PDE10A: variants seen among roughly 807,000 people sequenced by gnomAD.
PDE10A encodes the protein phosphodiesterase 10A.
A neutral mutation model predicts 97.7 loss-of-function variants in PDE10A; 39 were observed. The ratio of observed to expected loss-of-function variants is 0.40; its 90% CI spans 0.31 to 0.52. The LOEUF is 0.52. Ranked by LOEUF, PDE10A falls within the 20% of genes least tolerant of loss-of-function variation. The pLI is 0.56. For synonymous variants in PDE10A, 371 were observed against 376.8 expected, an observed-to-expected ratio of 0.98 and a Z score of 0.18; for missense variants, 731 against 1,047.8, an observed-to-expected ratio of 0.70 and a Z score of 4.17.
intron 1 of PDE10A, among the ~76,000 whole-genome samples, chr6:165,935,495 C>T (rs1046633756): frequency 6.6e-6 from 1 of 152,078 alleles, no homozygotes; most frequent in Non-Finnish European, 1.5e-5. Context: ...AGAGGAGGAT[C>T]GATTTCTAAG....
At chr6:165,463,578 G>A (rs1054878455) in intron 3 of PDE10A, among the ~76,000 whole-genome samples, 5 of 152,204 alleles carry the variant, frequency 3.3e-5, no homozygotes, top group African/African-American at 9.6e-5. Flanking sequence ...GTCTGCAGAT[G>A]TGGATCCTGA....
At chr6:165,607,334 A>G (rs11752590) in intron 1 of PDE10A, among the ~76,000 whole-genome samples, 14,943 of 152,318 alleles carry the variant, frequency 0.098, 926 homozygotes, top group Non-Finnish European at 0.13. Flanking sequence ...ATTATAACGA[A>G]GCTTAAAAAT....
chr6:165,946,697 C>T (rs1672823336), intron 1 of PDE10A: 1 of 151,992 alleles, frequency 6.6e-6, no homozygotes, highest in African/African-American at 2.4e-5. Flanking sequence ...ATACATAAAA[C>T]TACCTGGCTA....
At chr6:165,693,400 G>T (rs1246769686) in intron 1 of PDE10A, among the ~76,000 whole-genome samples, 1 of 151,768 alleles carries the variant, frequency 6.6e-6, no homozygotes, top group Non-Finnish European at 1.5e-5. Context: ...GCGTGGTGGT[G>T]GATGCCTGTA....
At chr6:165,769,596 C>T (rs1265343965) in intron 1 of PDE10A, among the ~76,000 whole-genome samples, 1 of 152,072 alleles carries the variant, frequency 6.6e-6, no homozygotes, top group Non-Finnish European at 1.5e-5. Context: ...TAAAATTCAA[C>T]AAAAGTTTAA....
chr6:165,454,458 C>T (rs1371576793), intron 3 of PDE10A, among the ~76,000 whole-genome samples: 1 of 152,102 alleles, frequency 6.6e-6, no homozygotes, highest in Non-Finnish European at 1.5e-5. Context: ...AGAGGTGGGA[C>T]CTTAAGAGAT....
intron 1 of PDE10A, among the ~76,000 whole-genome samples, chr6:165,742,472 A>C (rs897532432): frequency 1.3e-5 from 2 of 152,162 alleles, no homozygotes; most frequent in African/African-American, 4.8e-5. Context: ...AGTCCCACCC[A>C]GGACATCTGA....
chr6:165,748,234 C>A (rs1792888071), intron 1 of PDE10A, among the ~76,000 whole-genome samples: 1 of 152,176 alleles, frequency 6.6e-6, no homozygotes, highest in African/African-American at 2.4e-5. Context: ...CATGTCAATT[C>A]CTTTTTGATT....
chr6:165,574,209 A>G (rs1447711237), intron 1 of PDE10A, among the ~76,000 whole-genome samples: 2 of 152,194 alleles, frequency 1.3e-5, no homozygotes, highest in African/African-American at 2.4e-5. Context: ...CTACTTATGC[A>G]AATAAATGTC....
At chr6:165,878,496 A>G (rs911444358) in intron 1 of PDE10A, among the ~76,000 whole-genome samples, 9 of 152,206 alleles carry the variant, frequency 5.9e-5, no homozygotes, top group African/African-American at 2.2e-4. Flanking sequence ...TGTTCCTAAA[A>G]TATTGTAGAA....
At chr6:165,546,117 G>C (rs1242194127) in intron 1 of PDE10A, among the ~76,000 whole-genome samples, 5 of 152,002 alleles carry the variant, frequency 3.3e-5, no homozygotes, top group Admixed American at 2.6e-4. Flanking sequence ...AAGTAACATG[G>C]ATGAGTCTTA....
At chr6:165,393,382 T>C (rs888992452) in intron 15 of PDE10A, among the ~76,000 whole-genome samples, 21 of 151,490 alleles carry the variant, frequency 1.4e-4, no homozygotes, top group Non-Finnish European at 7.4e-5. Context: ...TTATTACATA[T>C]AGTTATACTA....
intron 1 of PDE10A, among the ~76,000 whole-genome samples, chr6:165,884,611 G>A (rs1781578990): frequency 6.6e-6 from 1 of 152,074 alleles, no homozygotes; most frequent in Non-Finnish European, 1.5e-5. Flanking sequence ...ATATCACATG[G>A]GTTTGTTTGA....
chr6:165,882,389 C>A (rs1054342938), intron 1 of PDE10A, among the ~76,000 whole-genome samples: 19 of 152,258 alleles, frequency 1.2e-4, no homozygotes, highest in African/African-American at 4.3e-4. Flanking sequence ...AAAAACTGAT[C>A]ATTAATACCA....
intron 16 of PDE10A, among the ~76,000 whole-genome samples, chr6:165,389,521 A>G (rs979336969): frequency 1.3e-5 from 2 of 152,192 alleles, no homozygotes; most frequent in Non-Finnish European, 2.9e-5. Flanking sequence ...CTTAGAAGCT[A>G]TAATGATTAC....
At chr6:165,927,205 G>A (rs1376091341) in intron 1 of PDE10A, among the ~76,000 whole-genome samples, 1 of 152,008 alleles carries the variant, frequency 6.6e-6, no homozygotes, top group East Asian at 1.9e-4. Flanking sequence ...ACGCCAGAAC[G>A]TAAAGTATAA....
chr6:165,389,302 G>A (rs1785517463), intron 16 of PDE10A, among the ~76,000 whole-genome samples: 1 of 152,200 alleles, frequency 6.6e-6, no homozygotes, highest in Non-Finnish European at 1.5e-5. Context: ...ACAGACTCCA[G>A]GAGGATGAGA....
At chr6:165,828,589 T>C (rs1779825184) in intron 1 of PDE10A, among the ~76,000 whole-genome samples, 1 of 152,210 alleles carries the variant, frequency 6.6e-6, no homozygotes, top group Non-Finnish European at 1.5e-5. Context: ...GATATTGAAG[T>C]TCTGAGGAAT....
chr6:165,918,364 A>G (rs1782664237), intron 1 of PDE10A, among the ~76,000 whole-genome samples: 1 of 152,218 alleles, frequency 6.6e-6, no homozygotes, highest in Non-Finnish European at 1.5e-5. Context: ...AAAGAAAGTT[A>G]ACATTATAGT....
Sources: allele counts gnomAD v4.1 joint callset (sites outside exome capture counted in the v4.1 genomes callset), GRCh38; gene constraint gnomAD v4.1.1; transcripts MANE v1.5; gene names NCBI Gene and HGNC (gene_info 2026-07-23, HGNC 2026-07-21).